SH3RF3: variants seen among roughly 807,000 people sequenced by gnomAD.
SH3RF3 encodes SH3 domain containing ring finger 3.
Under a neutral mutation model 66.3 loss-of-function variants are expected in SH3RF3, and 29 were observed. The observed-to-expected ratio is 0.44, with a 90% confidence interval of 0.33 to 0.60. SH3RF3 has a LOEUF of 0.60. Ranked by LOEUF, SH3RF3 falls within the 20% of genes least tolerant of loss-of-function variation. The pLI, the probability that SH3RF3 is intolerant of heterozygous loss-of-function variation, is 0.04. For synonymous variants in SH3RF3, 583 were observed against 532.0 expected (o/e 1.10, Z -1.32); for missense variants, 1,194 against 1,190.9 (o/e 1.00, Z -0.04).
intron 8 of SH3RF3, among the ~76,000 whole-genome samples, chr2:109,453,361 G>A (rs959042213): frequency 6.6e-6 from 1 of 152,222 alleles, no homozygotes. Context: ...CAGGATTTAA[G>A]TTATCCTTTT....
chr2:109,395,688 C>T (rs1028217962), intron 3 of SH3RF3, among the ~76,000 whole-genome samples: 9 of 152,190 alleles, frequency 5.9e-5, no homozygotes, highest in Non-Finnish European at 1.2e-4. Context: ...AGCAGCCTCT[C>T]GGGGACACGT....
chr2:109,242,743 G>A (rs1369910333), intron 1 of SH3RF3, among the ~76,000 whole-genome samples: 3 of 152,224 alleles, frequency 2.0e-5, no homozygotes, highest in Non-Finnish European at 4.4e-5. Flanking sequence ...CCACAGCTGG[G>A]CCTTGATCTT....
intron 1 of SH3RF3, among the ~76,000 whole-genome samples, chr2:109,254,823 G>C (rs1405304830): frequency 6.6e-6 from 1 of 152,094 alleles, no homozygotes; most frequent in Non-Finnish European, 1.5e-5. Flanking sequence ...TAGGCTGGAG[G>C]CACTGCCTCG....
intron 6 of SH3RF3, among the ~76,000 whole-genome samples, chr2:109,435,151 C>G (rs912348834): frequency 6.6e-6 from 1 of 152,196 alleles, no homozygotes; most frequent in East Asian, 1.9e-4. Context: ...GTGTCCTCTC[C>G]GGTTCCTTAG....
intron 2 of SH3RF3, among the ~76,000 whole-genome samples, chr2:109,369,841 C>A (rs906265852): frequency 3.3e-5 from 5 of 152,226 alleles, no homozygotes; most frequent in Non-Finnish European, 7.3e-5. Context: ...TAGACCCCAC[C>A]AGCCTAAAAC....
intron 1 of SH3RF3, among the ~76,000 whole-genome samples, chr2:109,294,172 T>G (rs1308986923): frequency 6.6e-6 from 1 of 152,184 alleles, no homozygotes; most frequent in African/African-American, 2.4e-5. Context: ...CTTCCACTGT[T>G]TCAAAGGAGG....
chr2:109,160,719 CT>C (rs2104906077), intron 1 of SH3RF3, among the ~76,000 whole-genome samples: 1 of 152,324 alleles, frequency 6.6e-6, no homozygotes, highest in Admixed American at 6.5e-5. Context: ...CAGCCTGTCC[CT>C]GCTCCTACTC....
intron 4 of SH3RF3, among the ~76,000 whole-genome samples, chr2:109,417,639 A>G (rs1486816574): frequency 6.6e-6 from 1 of 152,144 alleles, no homozygotes; most frequent in Non-Finnish European, 1.5e-5. Flanking sequence ...CTGCATTGCA[A>G]TGGAAGTCAT....
At chr2:109,409,778 A>AG (rs11399124) in intron 4 of SH3RF3, among the ~76,000 whole-genome samples, 85,550 of 151,228 alleles carry the variant, frequency 0.57, 24,787 homozygotes, top group African/African-American at 0.66. Flanking sequence ...CAGAAGAATC[A>AG]GCCATAAATG....
chr2:109,167,681 C>T (rs1025842215), intron 1 of SH3RF3, among the ~76,000 whole-genome samples: 2 of 152,200 alleles, frequency 1.3e-5, no homozygotes, highest in East Asian at 1.9e-4. Context: ...AAGCGATTCT[C>T]CTACTTCAGC....
chr2:109,377,113 A>G (rs376840635), intron 3 of SH3RF3, among the ~76,000 whole-genome samples: 24 of 152,332 alleles, frequency 1.6e-4, no homozygotes, highest in East Asian at 1.3e-3. Flanking sequence ...CTAGAATTCA[A>G]TCAGAGCTGT....
In SH3RF3 at chr2:109,152,587, G is replaced by T. The variant is rs898997361; in HGVS notation, c.573+22474G>T. Among the ~76,000 whole-genome samples, 6 of 152,310 alleles carry T rather than the reference G, an allele frequency of 3.9e-5. No individual in the cohort carries two copies. The East Asian group carries it at 9.6e-4, about 24-fold the overall frequency. ...TTTTTGCCTTTTTATTATTTACATT[G>T]TGTATTATCAGATTTATATTTAAAG... On this transcript the variant is annotated intron_variant, in intron 1 of 9. Transcript: ENST00000309415.
chr2:109,153,886 G>C (rs954218592), intron 1 of SH3RF3, among the ~76,000 whole-genome samples: 3 of 152,208 alleles, frequency 2.0e-5, no homozygotes, highest in Non-Finnish European at 4.4e-5. Context: ...TAGCAGTCGG[G>C]ACTTGCTACA....
intron 1 of SH3RF3, among the ~76,000 whole-genome samples, chr2:109,338,910 C>G (rs147278643): frequency 1.9e-4 from 23 of 121,336 alleles, no homozygotes; most frequent in South Asian, 1.0e-3. Context: ...AGAAGCCTTA[C>G]TGATAACACA....
intron 3 of SH3RF3, among the ~76,000 whole-genome samples, chr2:109,374,730 T>C (rs540657441): frequency 2.5e-4 from 38 of 152,328 alleles, no homozygotes; most frequent in African/African-American, 8.9e-4. Context: ...GAAGGTCTCC[T>C]CCACAGCCGC....
At chr2:109,318,825 G>C (rs1681949523) in intron 1 of SH3RF3, among the ~76,000 whole-genome samples, 1 of 152,242 alleles carries the variant, frequency 6.6e-6, no homozygotes, top group Non-Finnish European at 1.5e-5. Flanking sequence ...TCCACTCAGA[G>C]GCAGACATTG....
At chr2:109,193,567 T>C (rs1678422226) in intron 1 of SH3RF3, among the ~76,000 whole-genome samples, 1 of 152,196 alleles carries the variant, frequency 6.6e-6, no homozygotes, top group African/African-American at 2.4e-5. Context: ...AGCTCACCCA[T>C]GTGGTATGTG....
intron 1 of SH3RF3, among the ~76,000 whole-genome samples, chr2:109,142,966 G>A (rs944273791): frequency 1.3e-5 from 2 of 152,126 alleles, no homozygotes; most frequent in African/African-American, 4.8e-5. Context: ...GAGTGCCGGG[G>A]GCTTGGGGCT....
intron 8 of SH3RF3, among the ~76,000 whole-genome samples, chr2:109,474,965 T>G (rs1678642768): frequency 6.6e-6 from 1 of 151,488 alleles, no homozygotes; most frequent in East Asian, 1.9e-4. Flanking sequence ...TTTGTTTGGG[T>G]TTTTTTTGTT....
Sources: allele counts gnomAD v4.1 joint callset (sites outside exome capture counted in the v4.1 genomes callset), GRCh38; gene constraint gnomAD v4.1.1; transcripts MANE v1.5; gene names NCBI Gene and HGNC (gene_info 2026-07-23, HGNC 2026-07-21).